Variants in SATL1 observed in about 807,000 individuals in gnomAD.
SATL1 encodes the protein spermidine/spermine N(1)-acetyltransferase-like protein 1.
SATL1 carries 47 observed loss-of-function variants against 51.8 expected under a neutral mutation model. The observed-to-expected ratio is 0.91, with a 90% confidence interval of 0.72 to 1.16. SATL1 has a LOEUF of 1.16. Among genes scored for constraint, SATL1 ranks in the 50% most tolerant of loss-of-function variants. The pLI, the probability that SATL1 is intolerant of heterozygous loss-of-function variation, is 0.00. For synonymous variants in SATL1, 176 were observed against 182.4 expected (o/e 0.97, Z 0.28); for missense variants, 520 against 526.4 (o/e 0.99, Z 0.12).
At chrX:85,093,368 C>G in intron 6 of SATL1, 143 bp from the exon 7 acceptor site, 2 of 528,551 alleles carry the variant, frequency 3.8e-6, no homozygotes, top group Non-Finnish European at 6.0e-6. Flanking sequence ...CTCGTGAATG[C>G]TTTCATATCC....
intron 4 of SATL1, among the ~76,000 whole-genome samples, chrX:85,099,981 G>A (rs943261955): frequency 2.7e-5 from 3 of 112,641 alleles, no homozygotes; most frequent in African/African-American, 9.7e-5. Context: ...CAAGGCAGGT[G>A]GATCACCTGA....
chrX:85,142,955 A>G (rs1926145936), intron 2 of SATL1: 1 of 107,135 alleles, frequency 9.3e-6, no homozygotes, highest in African/African-American at 3.4e-5. Flanking sequence ...TCTTTTCTTC[A>G]TCTCTTCTCT....
chrX:85,172,922 T>C (rs1168664842), intron 2 of SATL1, among the ~76,000 whole-genome samples: 1 of 111,691 alleles, frequency 9.0e-6, no homozygotes, highest in African/African-American at 3.2e-5. Flanking sequence ...AGAGAAAGAA[T>C]GTTATATTTT....
intron 1 of SATL1, among the ~76,000 whole-genome samples, chrX:85,230,771 AATAGACATTTCTCCACAGAGGAC>A (rs1928365091): frequency 8.9e-6 from 1 of 112,666 alleles, no homozygotes; most frequent in Admixed American, 9.4e-5. Flanking sequence ...AAAAGAGTTG[AATAGACATTTCTCCACAGAGGAC>A]ATACATATGG....
At chrX:85,169,456 G>A (rs1208473321) in intron 2 of SATL1, among the ~76,000 whole-genome samples, 1 of 109,970 alleles carries the variant, frequency 9.1e-6, no homozygotes, top group Non-Finnish European at 1.9e-5. Flanking sequence ...TAAAAAGTGG[G>A]CAAAAGACAA....
intron 4 of SATL1, among the ~76,000 whole-genome samples, chrX:85,098,755 T>C (rs967599496): frequency 9.0e-6 from 1 of 111,380 alleles, no homozygotes; most frequent in African/African-American, 3.3e-5. Flanking sequence ...CACTTAGAGA[T>C]ATGAACGAAA....
Position 85,109,081 on chromosome X carries a change from T to G in SATL1, c.-113A>C. ...GGAACAGAATCCCTTAACTGTGCTGTGGTGGGAGGTTGTTGGCTGTTCCCA... is the reference window on the plus strand; with the variant it reads ...GGAACAGAATCCCTTAACTGTGCTGGGGTGGGAGGTTGTTGGCTGTTCCCA... On this transcript the variant is annotated 5_prime_UTR_variant, in exon 3 of 8. Coordinates refer to ENST00000644105, the MANE Select transcript of SATL1 (RefSeq NM_001367857.2). The G allele has an allele frequency of 1.4e-6, 1 of 721,073 alleles. No homozygotes were observed. Among genetic ancestry groups the G allele is most frequent in the African/African-American group, 2.1e-5 (1 of 46,845 alleles). 59.4% of individuals were successfully genotyped at this position (721,073 alleles called of 1,213,427 possible).
At chrX:85,096,091 C>T (rs1924713198) in intron 4 of SATL1, among the ~76,000 whole-genome samples, 1 of 110,984 alleles carries the variant, frequency 9.0e-6, no homozygotes, top group African/African-American at 3.3e-5. Context: ...CTGATGAAAG[C>T]CAGATGTTTG....
intron 2 of SATL1, among the ~76,000 whole-genome samples, chrX:85,216,993 CTAAT>C (rs1602920174): frequency 8.9e-6 from 1 of 111,842 alleles, no homozygotes; most frequent in African/African-American, 3.3e-5. Context: ...CTGAATGAAA[CTAAT>C]TGAGGAATGT....
At chrX:85,223,549 C>G (rs762837936) in intron 2 of SATL1, among the ~76,000 whole-genome samples, 1 of 110,969 alleles carries the variant, frequency 9.0e-6, no homozygotes, top group Admixed American at 9.6e-5. Context: ...TCATCCGAAT[C>G]CTGGATGATG....
Position 85,205,623 on chromosome X carries a change from T to C in SATL1, c.-313+18582A>G, listed in dbSNP as rs775018796. Among the ~76,000 whole-genome samples, 4 of 111,589 alleles carry C rather than the reference T, an allele frequency of 3.6e-5. No homozygotes were observed. The East Asian group carries it at 1.1e-3, about 32-fold the overall frequency. ...TACTACAAAAATCCTTAGGAAAAAA[T>C]GGGCTTGATGTTTTCAAAGAAAGAA... On this transcript the variant is annotated intron_variant, in intron 2 of 7. Coordinates refer to ENST00000644105, the MANE Select transcript of SATL1 (RefSeq NM_001367857.2).
In SATL1 at chrX:85,109,159, A is replaced by G; in HGVS notation, c.-191T>C. 2.2e-6 allele frequency: 1 copy of G among 445,502 alleles called. No homozygotes were observed. Among genetic ancestry groups the G allele is most frequent in the Non-Finnish European group, 3.8e-6 (1 of 262,211 alleles). The allele number at this position is 445,502 out of a possible 1,213,427, so 36.7% of individuals were successfully genotyped here. ...TGAGATACCCCTCTATCAAGGTGGG[A>G]ATTGGAAAAAGAGAGGAGCACCTCA... On this transcript the variant is annotated 5_prime_UTR_variant, in exon 3 of 8. Coordinates refer to ENST00000644105, the MANE Select transcript of SATL1 (RefSeq NM_001367857.2).
At chrX:85,155,133 A>T (rs903543344) in intron 2 of SATL1, among the ~76,000 whole-genome samples, 1 of 111,731 alleles carries the variant, frequency 9.0e-6, no homozygotes, top group African/African-American at 3.2e-5. Flanking sequence ...TGTGGTATAC[A>T]TGTATATATA....
At chrX:85,211,018 G>T (rs186868943) in intron 2 of SATL1, 12 of 111,201 alleles carry the variant, frequency 1.1e-4, no homozygotes, top group African/African-American at 3.9e-4. Flanking sequence ...ACCCCTCAAG[G>T]GTGGTTGTGG....
At chrX:85,130,551 G>A (rs1436788766) in intron 2 of SATL1, among the ~76,000 whole-genome samples, 3 of 110,427 alleles carry the variant, frequency 2.7e-5, no homozygotes, top group Non-Finnish European at 5.7e-5. Context: ...TTCTTTATTA[G>A]TCTTGCTAGC....
At chrX:85,115,898 C>G (rs1925373404) in intron 2 of SATL1, among the ~76,000 whole-genome samples, 2 of 85,968 alleles carry the variant, frequency 2.3e-5, no homozygotes, top group African/African-American at 9.5e-5. Flanking sequence ...TTCCCACCAC[C>G]CCTGAAAGCC....
At chrX:85,186,729 T>C (rs1459506629) in intron 2 of SATL1, among the ~76,000 whole-genome samples, 1 of 111,738 alleles carries the variant, frequency 8.9e-6, no homozygotes, top group African/African-American at 3.3e-5. Context: ...GTGGTGTAGG[T>C]TATTCAAGAC....
intron 1 of SATL1, among the ~76,000 whole-genome samples, chrX:85,241,329 T>C (rs1285140645): frequency 1.8e-5 from 2 of 111,002 alleles, no homozygotes; most frequent in Non-Finnish European, 3.8e-5. Flanking sequence ...TTGGGTACTA[T>C]GTTCACTACC....
At chrX:85,141,682 T>C (rs185893930) in intron 2 of SATL1, among the ~76,000 whole-genome samples, 30 of 111,077 alleles carry the variant, frequency 2.7e-4, no homozygotes, top group East Asian at 2.6e-3. Flanking sequence ...AGTAGAGTGC[T>C]TCAGTTTACA....
Sources: gnomAD v4.1 joint callset for allele counts (sites outside exome capture counted in the v4.1 genomes callset) on GRCh38, gnomAD v4.1.1 for gene constraint, MANE v1.5 for transcripts, NCBI Gene and HGNC (gene_info 2026-07-23, HGNC 2026-07-21) for gene names.